The following DNMT3A variants were observed in gnomAD, a reference collection of about 807,000 sequenced individuals.
The protein encoded by DNMT3A is DNA (cytosine-5)-methyltransferase 3A.
Under a neutral mutation model 117.6 loss-of-function variants are expected in DNMT3A, and 267 were observed. The ratio of observed to expected loss-of-function variants is 2.27; its 90% CI spans 2.05 to 2.51. The LOEUF (loss-of-function observed/expected upper bound fraction) is 2.51, where lower values mean the gene tolerates loss of function less well. DNMT3A is among the 30% of genes most tolerant of loss of function. The pLI is 0.00. For missense variants in DNMT3A, 1,029 were observed against 1,260.2 expected (o/e 0.82, Z 2.78); for synonymous variants, 432 against 474.8 (o/e 0.91, Z 1.17).
At position 25,236,691 on chromosome 2, in the gene DNMT3A, T is replaced by C. The variant is rs1416364168; in HGVS notation, c.2478+245A>G. ...AAAAAGCCACAGCACAACCAGGTCT[T>C]GGTAAAGACTCCTCAGTGTCTACCG... On this transcript the variant is annotated intron_variant, in intron 21 of 22. Coordinates refer to ENST00000321117, the MANE Select transcript of DNMT3A (RefSeq NM_022552.5). The surrounding 1 kb of genome is among the most constrained non-coding windows in gnomAD (Gnocchi z 4.5). Among the ~76,000 whole-genome samples, 3 of 152,180 alleles carry C rather than the reference T, an allele frequency of 2.0e-5. No homozygotes were observed. Among genetic ancestry groups the C allele is most frequent in the Middle Eastern group, 6.3e-3 (2 of 316 alleles).
intron 4 of DNMT3A, among the ~76,000 whole-genome samples, chr2:25,280,607 G>A (rs1289093875): frequency 6.6e-6 from 1 of 152,272 alleles, no homozygotes; most frequent in East Asian, 1.9e-4. Context: ...CCCTTAGAGC[G>A]CTTATCTCCA....
intron 1 of DNMT3A, among the ~76,000 whole-genome samples, chr2:25,331,479 G>A (rs919313421): frequency 1.2e-4 from 19 of 152,166 alleles, no homozygotes; most frequent in African/African-American, 4.3e-4. Context: ...GGAGAGTGAC[G>A]GAAAGGCTGG....
At chr2:25,238,896 G>A (rs1345356512) in intron 20 of DNMT3A, among the ~76,000 whole-genome samples, 2 of 152,228 alleles carry the variant, frequency 1.3e-5, no homozygotes, top group Non-Finnish European at 2.9e-5. Flanking sequence ...GGTATAAAGA[G>A]AGTACTTTTA....
In DNMT3A at chr2:25,236,067, C is replaced by CTT. The variant is rs1365266786; in HGVS notation, c.2479-244_2479-243dup. ...AATCTTAGATCCATCTAGCCACAGACTTTTTTTTTTTTTTTTGAGACGGAG... is the reference window on the plus strand; with the variant it reads ...AATCTTAGATCCATCTAGCCACAGACTTTTTTTTTTTTTTTTTTGAGACGGAG... On this transcript the variant is annotated intron_variant, in intron 21 of 22. Transcript: ENST00000321117. The surrounding 1 kb of genome is among the most constrained non-coding windows in gnomAD (Gnocchi z 4.5). 1.3e-4 allele frequency among the ~76,000 whole-genome samples: 19 copies of CTT among 142,188 alleles called. No individual in the cohort carries two copies. The highest frequency in any genetic ancestry group is 3.1e-4 in the African/African-American group (12 of 39,058). 93.3% of individuals were successfully genotyped at this position (142,188 alleles called of 152,430 possible).
chr2:25,303,352 A>G (rs1573462411), intron 2 of DNMT3A, among the ~76,000 whole-genome samples: 1 of 152,184 alleles, frequency 6.6e-6, no homozygotes, highest in African/African-American at 2.4e-5. Context: ...CCGACAGGCC[A>G]CCCCTCTGCC....
intron 1 of DNMT3A, among the ~76,000 whole-genome samples, chr2:25,341,622 C>G (rs927266391): frequency 1.4e-5 from 2 of 146,912 alleles, no homozygotes; most frequent in African/African-American, 4.9e-5. Flanking sequence ...AACAAACCCT[C>G]AAATCCCCCG....
In DNMT3A at chr2:25,237,818, T is replaced by C. The variant is rs1018093702; in HGVS notation, c.2409-813A>G. 2.6e-5 allele frequency among the ~76,000 whole-genome samples: 4 copies of C among 152,036 alleles called. No individual in the cohort carries two copies. Among genetic ancestry groups the C allele is most frequent in the Admixed American group, 2.0e-4 (3 of 15,278 alleles). On this transcript the variant is annotated intron_variant, in intron 20 of 22. Coordinates refer to ENST00000321117, the MANE Select transcript of DNMT3A (RefSeq NM_022552.5). This position sits in a 1 kb window ranked among gnomAD's most constrained non-coding sequence, Gnocchi z 5.4. ...CTGCAGTTCCCTAAAGACCAAAAATTCTGTGACATTAAATATGTCACTTCT... is the reference window on the plus strand; with the variant it reads ...CTGCAGTTCCCTAAAGACCAAAAATCCTGTGACATTAAATATGTCACTTCT...
At chr2:25,271,988 G>C (rs1426428211) in intron 6 of DNMT3A, among the ~76,000 whole-genome samples, 1 of 152,030 alleles carries the variant, frequency 6.6e-6, no homozygotes, top group African/African-American at 2.4e-5. Context: ...GTTTTACAAA[G>C]TCTGTTTTGT....
intron 19 of DNMT3A, among the ~76,000 whole-genome samples, chr2:25,240,053 GTCCT>G (rs1177318973): frequency 6.6e-6 from 1 of 152,136 alleles, no homozygotes; most frequent in Non-Finnish European, 1.5e-5. Flanking sequence ...TGAGTGACAG[GTCCT>G]TCAACCCCGG....
intron 6 of DNMT3A, among the ~76,000 whole-genome samples, chr2:25,268,367 G>A (rs1035637619): frequency 2.0e-5 from 3 of 152,106 alleles, no homozygotes; most frequent in East Asian, 1.9e-4. Context: ...TGCTGTAACT[G>A]AGTCCTAAAA....
At position 25,237,827 on chromosome 2, in the gene DNMT3A, T is replaced by C. The variant is rs963976465; in HGVS notation, c.2409-822A>G. 1.3e-5 allele frequency among the ~76,000 whole-genome samples: 2 copies of C among 151,974 alleles called. No homozygotes were observed. Among genetic ancestry groups the C allele is most frequent in the African/African-American group, 4.8e-5 (2 of 41,364 alleles). On this transcript the variant is annotated intron_variant, in intron 20 of 22. Transcript: ENST00000321117. The surrounding 1 kb of genome is among the most constrained non-coding windows in gnomAD (Gnocchi z 5.4). ...CCTAAAGACCAAAAATTCTGTGACA[T>C]TAAATATGTCACTTCTCAGGGTGCA... is the stretch of plus-strand genomic sequence containing the variant.
chr2:25,314,597 C>G (rs917334200), intron 1 of DNMT3A: 1 of 985,234 alleles, frequency 1.0e-6, no homozygotes, highest in African/African-American at 1.7e-5. Flanking sequence ...CCACACCTCC[C>G]GCCACGTGGA....
intron 1 of DNMT3A, among the ~76,000 whole-genome samples, chr2:25,336,180 C>G (rs2035208513): frequency 6.6e-6 from 1 of 152,220 alleles, no homozygotes; most frequent in South Asian, 2.1e-4. Flanking sequence ...GCCTGGGGGC[C>G]TGGGCCGTCT....
At chr2:25,329,602 G>A (rs1166209325) in intron 1 of DNMT3A, among the ~76,000 whole-genome samples, 3 of 151,622 alleles carry the variant, frequency 2.0e-5, no homozygotes, top group Non-Finnish European at 4.4e-5. Flanking sequence ...CCACTAGAAT[G>A]GGGAATGTAT....
intron 19 of DNMT3A, chr2:25,239,442 G>A (rs1228981582): frequency 1.6e-5 from 10 of 628,544 alleles, no homozygotes; most frequent in Non-Finnish European, 2.8e-5. Flanking sequence ...GAACTTCTGC[G>A]ATGGTGGGTT....
chr2:25,295,422 C>T (rs754749890), intron 3 of DNMT3A, among the ~76,000 whole-genome samples: 36 of 152,264 alleles, frequency 2.4e-4, no homozygotes, highest in Non-Finnish European at 4.7e-4. Flanking sequence ...ACAACTAGGC[C>T]GTTGCCGATT....
At chr2:25,323,139 C>T (rs1334585359) in intron 1 of DNMT3A, among the ~76,000 whole-genome samples, 1 of 152,094 alleles carries the variant, frequency 6.6e-6, no homozygotes, top group Non-Finnish European at 1.5e-5. Context: ...CAATCAGAGG[C>T]CTCCCTGGAA....
At chr2:25,268,198 A>C (rs1271935839) in intron 6 of DNMT3A, among the ~76,000 whole-genome samples, 1 of 152,220 alleles carries the variant, frequency 6.6e-6, no homozygotes, top group African/African-American at 2.4e-5. Flanking sequence ...TTAAGCATCT[A>C]ATAAGTATAA....
At chr2:25,300,648 GAT>G (rs1372874064) in intron 2 of DNMT3A, among the ~76,000 whole-genome samples, 4 of 61,218 alleles carry the variant, frequency 6.5e-5, no homozygotes, top group East Asian at 1.2e-3. Flanking sequence ...ATATTATTTA[GAT>G]ATCTAAATAA....
Sources: allele counts gnomAD v4.1 joint callset (sites outside exome capture counted in the v4.1 genomes callset), GRCh38; gene constraint gnomAD v4.1.1; non-coding constraint Gnocchi (gnomAD v3.1); transcripts MANE v1.5; gene names NCBI Gene and HGNC (gene_info 2026-07-23, HGNC 2026-07-21).